Variants in ANKRD50 observed in about 807,000 individuals in gnomAD.
ANKRD50 encodes ankyrin repeat domain 50.
Under a neutral mutation model 112.0 loss-of-function variants are expected in ANKRD50, and 40 were observed. That is an observed-to-expected ratio of 0.36 (90% CI 0.28 to 0.46). ANKRD50 has a LOEUF of 0.46. ANKRD50 is among the 20% of genes least tolerant of loss of function. The probability of loss-of-function intolerance (pLI) is 1.00; values close to 1 mark genes in which losing one functional copy is unlikely to be tolerated. For synonymous variants in ANKRD50, 613 were observed against 619.1 expected (o/e 0.99, Z 0.15); for missense variants, 1,487 against 1,701.7 (o/e 0.87, Z 2.22).
Position 124,670,922 on chromosome 4 carries a change from G to A in ANKRD50, c.2355C>T (p.Leu785=). 6.2e-7 allele frequency: 1 copy of A among 1,613,882 alleles called. No individual in the cohort carries two copies. The highest frequency in any genetic ancestry group is 8.5e-7 in the Non-Finnish European group (1 of 1,179,898). The part of the protein sequence containing the change: ...DHTDNNGRTP[L]LAAASMGHAS... ...CATGACCCATAGACGCTGCTGCTAA[G>A]AGGGGTGTACGGCCATTGTTATCTG... Residue 785 remains leucine, a synonymous_variant, in exon 4 of 5, where the codon CTC becomes CTT. Coordinates refer to ENST00000504087, the MANE Select transcript of ANKRD50 (RefSeq NM_020337.3).
rs1279139011 is a variant in ANKRD50, at chr4:124,665,279, G to C, written c.*2239C>G. On this transcript the variant is annotated 3_prime_UTR_variant, in exon 5 of 5. Coordinates refer to ENST00000504087, the MANE Select transcript of ANKRD50 (RefSeq NM_020337.3). The stretch of plus-strand genomic sequence containing the variant: ...CGAGGAATACTTACTTTTGAAAATC[G>C]TATTTTTCCAATAGGTTCTCTTCCT... 6.6e-6 allele frequency: 1 copy of C among 152,108 alleles called. No homozygotes were observed. The highest frequency in any genetic ancestry group is 2.4e-5 in the African/African-American group (1 of 41,350). The allele number at this position is 152,108 out of a possible 1,614,324, so 9.4% of individuals were successfully genotyped here.
Position 124,670,897 on chromosome 4 carries a change from C to G in ANKRD50, c.2380G>C (p.Ala794Pro). The G allele has an allele frequency of 6.2e-7, 1 of 1,613,848 alleles. No individual in the cohort carries two copies. The highest frequency in any genetic ancestry group is 8.5e-7 in the Non-Finnish European group (1 of 1,179,880). Residue 794 changes from alanine to proline, a missense_variant, in exon 4 of 5, where the codon GCA (alanine) becomes CCA (proline). By Grantham distance (27) the Ala-to-Pro change is conservative (BLOSUM62 -1). This residue lies in a region of ANKRD50 where 1,046 missense variants were observed against 1,269.5 expected (regional missense o/e 0.82). Transcript: ENST00000504087. ...AACAAAAGTGTATTTACAACTGATG[C>G]ATGACCCATAGACGCTGCTGCTAAG... ...PLLAAASMGH[A>P]SVVNTLLFWG...
intron 3 of ANKRD50, among the ~76,000 whole-genome samples, chr4:124,675,736 G>T (rs988010816): frequency 6.6e-6 from 1 of 151,698 alleles, no homozygotes; most frequent in Non-Finnish European, 1.5e-5. Context: ...AAATCTTGGA[G>T]GGTTAATTTT....
chr4:124,710,364 C>T lies in ANKRD50; in HGVS notation c.148G>A (p.Ala50Thr), dbSNP rs1346110638. The T allele has an allele frequency of 2.5e-6, 4 of 1,614,064 alleles. No individual in the cohort carries two copies. The highest frequency in any genetic ancestry group is 3.4e-6 in the Non-Finnish European group (4 of 1,180,048). ...KSNCCNSAVN[A>T]PSLVMNSGNN... is the part of the protein sequence containing the mutation. ...CCAGAATTCATTACAAGTGATGGTG[C>T]ATTGACAGCACTATTGCAGCAGTTA... is the stretch of plus-strand genomic sequence containing the variant. Residue 50 changes from alanine to threonine, a missense_variant, in exon 2 of 5, where the codon GCA becomes ACA. This residue lies in a region of ANKRD50 where 1,046 missense variants were observed against 1,269.5 expected (regional missense o/e 0.82). Coordinates refer to ENST00000504087, the MANE Select transcript of ANKRD50 (RefSeq NM_020337.3).
Position 124,669,818 on chromosome 4 carries a change from T to TA in ANKRD50, c.3458dup (p.Leu1153PhefsTer3). ...TAAAAGCATGAGTAGGCCCATTAGG[T>TA]AAACCACGTAACGAAGGCTGCATAT... On this transcript the variant is annotated frameshift_variant, in exon 4 of 5. Transcript: ENST00000504087. LOFTEE classifies it high-confidence loss of function. 1 of 1,612,894 alleles carries TA rather than the reference T, an allele frequency of 6.2e-7. No homozygotes were observed. The highest frequency in any genetic ancestry group is 8.5e-7 in the Non-Finnish European group (1 of 1,179,620).
chr4:124,694,905 C>T (rs1424541316), intron 2 of ANKRD50, among the ~76,000 whole-genome samples: 1 of 151,880 alleles, frequency 6.6e-6, no homozygotes, highest in Admixed American at 6.6e-5. Flanking sequence ...AAAAAAATTA[C>T]AAAACTTACA....
intron 2 of ANKRD50, among the ~76,000 whole-genome samples, chr4:124,703,437 A>G (rs1302870792): frequency 2.0e-5 from 3 of 152,158 alleles, no homozygotes; most frequent in African/African-American, 7.2e-5. Flanking sequence ...GTGATAAAAA[A>G]TGCAGCATTT....
intron 2 of ANKRD50, among the ~76,000 whole-genome samples, chr4:124,701,254 C>T (rs1028654969): frequency 5.3e-5 from 8 of 152,130 alleles, no homozygotes; most frequent in South Asian, 4.1e-4. Flanking sequence ...TGAGCCACCA[C>T]GCCCCACCAA....
At position 124,671,897 on chromosome 4, in the gene ANKRD50, A is replaced by G; in HGVS notation, c.1380T>C (p.Ile460=). Residue 460 remains isoleucine, a synonymous_variant, in exon 4 of 5, where the codon ATT becomes ATC. Transcript: ENST00000504087. ...CTGTCTCTAATTGTAAGTTTGAGTT[A>G]ATTAAGTGCAATGCAAATTCTTGTG... ...LEAQEFALHL[I]NSNLQLETAE... is the part of the protein sequence containing the mutation. 6.2e-7 allele frequency: 1 copy of G among 1,613,856 alleles called. No homozygotes were observed. Among genetic ancestry groups the G allele is most frequent in the Non-Finnish European group, 8.5e-7 (1 of 1,179,878 alleles).
chr4:124,690,141 G>A (rs954700466), intron 2 of ANKRD50, among the ~76,000 whole-genome samples: 2 of 152,198 alleles, frequency 1.3e-5, no homozygotes, highest in African/African-American at 2.4e-5. Flanking sequence ...AAAAATTCAT[G>A]TGTCATTAAG....
intron 2 of ANKRD50, among the ~76,000 whole-genome samples, chr4:124,687,444 A>C (rs1461958063): frequency 6.6e-6 from 1 of 152,170 alleles, no homozygotes; most frequent in Admixed American, 6.5e-5. Context: ...TTTAGGAGAA[A>C]ATCTTTGTAA....
At chr4:124,695,927 C>T (rs1291102311) in intron 2 of ANKRD50, among the ~76,000 whole-genome samples, 1 of 152,102 alleles carries the variant, frequency 6.6e-6, no homozygotes, top group African/African-American at 2.4e-5. Context: ...TTTTAATTAG[C>T]CTTTTCTGAT....
At chr4:124,711,386 A>G (rs1423389993) in intron 1 of ANKRD50, 112 bp from the exon 2 acceptor site, 14 of 152,266 alleles carry the variant, frequency 9.2e-5, no homozygotes, top group Admixed American at 7.2e-4. Context: ...AAATCCACGT[A>G]CTTCACCTTT....
chr4:124,699,210 G>A (rs886794959), intron 2 of ANKRD50, among the ~76,000 whole-genome samples: 1 of 150,492 alleles, frequency 6.6e-6, no homozygotes. Context: ...TGGATTGTTT[G>A]TTCTTTAAAA....
Position 124,710,101 on chromosome 4 carries a change from A to G in ANKRD50, c.411T>C (p.Ser137=). 6.2e-7 allele frequency: 1 copy of G among 1,614,164 alleles called. No homozygotes were observed. Among genetic ancestry groups the G allele is most frequent in the Non-Finnish European group, 8.5e-7 (1 of 1,180,024 alleles). Residue 137 remains serine (S), a synonymous_variant, in exon 2 of 5, where the codon AGT becomes AGC. Transcript: ENST00000504087. ...IRGLVAQICR[S]GLLQGYEDKL... ...TGTCCTCATATCCTTGGAGTAGTCC[A>G]CTGCGGCAGATCTGGGCTACTAGAC...
rs191604991 is a variant in ANKRD50 at position 124,680,741 on chromosome 4, G to A, written c.513-1836C>T. Among the ~76,000 whole-genome samples the A allele has an allele frequency of 2.3e-3, 346 of 152,226 alleles. 6 individuals carry two copies. Among genetic ancestry groups the A allele is most frequent in the Admixed American group, 0.019 (283 of 15,292 alleles). The stretch of plus-strand genomic sequence containing the variant: ...AAGCCATCTTAAGTTACTTTTGACA[G>A]GGGAAGTGTGGGGGAGAGGTCAGGG... On this transcript the variant is annotated intron_variant, in intron 2 of 4. Coordinates refer to ENST00000504087, the MANE Select transcript of ANKRD50 (RefSeq NM_020337.3).
Position 124,669,473 on chromosome 4 carries a change from A to T in ANKRD50, c.3804T>A (p.Ser1268Arg), listed in dbSNP as rs1435943049. 2 of 1,611,706 alleles carry T rather than the reference A, an allele frequency of 1.2e-6. No individual in the cohort carries two copies. Among genetic ancestry groups the T allele is most frequent in the Non-Finnish European group, 8.5e-7 (1 of 1,179,450 alleles). Residue 1268 changes from serine to arginine, a missense_variant, in exon 4 of 5, where the codon AGT becomes AGA. Around this residue, in one of 2 missense-constraint regions of ANKRD50, gnomAD observed 441 missense variants for 432.2 expected, o/e 1.02. Coordinates refer to ENST00000504087, the MANE Select transcript of ANKRD50 (RefSeq NM_020337.3). ...CAGAATTTTCTGATTTCCCCCCTTT[A>T]CTTGCTTTAGTTGACTTCAAACTGG... ...VKPSLKSTKASKGGKSENSAK... is the reference protein window; with the variant it reads ...VKPSLKSTKARKGGKSENSAK...
intron 2 of ANKRD50, among the ~76,000 whole-genome samples, chr4:124,704,427 G>T (rs1578594559): frequency 6.6e-6 from 1 of 152,186 alleles, no homozygotes; most frequent in Non-Finnish European, 1.5e-5. Context: ...GTTGAGACAG[G>T]AGATAGATAT....
intron 3 of ANKRD50, among the ~76,000 whole-genome samples, chr4:124,674,584 T>A (rs185606398): frequency 5.3e-4 from 81 of 152,066 alleles, no homozygotes; most frequent in African/African-American, 1.8e-3. Flanking sequence ...AGTGATAAAT[T>A]TTGATTGTTT....
Sources: gnomAD v4.1 joint callset for allele counts (sites outside exome capture counted in the v4.1 genomes callset) on GRCh38, gnomAD v4.1.1 for gene constraint, gnomAD v4.1.1 regional missense constraint, MANE v1.5 for transcripts, NCBI Gene and HGNC (gene_info 2026-07-23, HGNC 2026-07-21) for gene names.